PDE1C: variants seen among roughly 807,000 people sequenced by gnomAD.
PDE1C encodes the protein dual specificity calcium/calmodulin-dependent 3',5'-cyclic nucleotide phosphodiesterase 1C.
A neutral mutation model predicts 93.1 loss-of-function variants in PDE1C; 62 were observed. The observed-to-expected ratio is 0.67, with a 90% CI of 0.54 to 0.82. The LOEUF is 0.82. Among genes scored for constraint, PDE1C ranks in the 40% least tolerant of loss-of-function variants. The pLI is 0.00. For missense variants in PDE1C, 742 were observed against 884.6 expected (o/e 0.84, Z 2.04); for synonymous variants, 325 against 310.1 (o/e 1.05, Z -0.50).
intron 9 of PDE1C, among the ~76,000 whole-genome samples, chr7:31,846,639 T>C (rs964427023): frequency 6.6e-6 from 1 of 152,100 alleles, no homozygotes; most frequent in African/African-American, 2.4e-5. Flanking sequence ...GGGATGTAAT[T>C]AAACTAAAGA....
chr7:31,794,029 TAGATAGATAGATAGACAGACAGAC>T (rs1784910672), intron 16 of PDE1C, among the ~76,000 whole-genome samples: 3 of 103,232 alleles, frequency 2.9e-5, no homozygotes, highest in African/African-American at 6.7e-5. Flanking sequence ...GATAGATAGA[TAGATAGATAGATAGACAGACAGAC>T]AGACAGACAG....
the PDE1C span, among the ~76,000 whole-genome samples, chr7:31,734,300 G>GC: frequency 6.6e-6 from 1 of 152,044 alleles, no homozygotes; most frequent in African/African-American, 2.4e-5. Context: ...CGGCTCTAGG[G>GC]CCCCCCTCTT....
intron 1 of PDE1C, among the ~76,000 whole-genome samples, chr7:32,297,630 T>C (rs1464981337): frequency 6.6e-6 from 1 of 152,068 alleles, no homozygotes; most frequent in Non-Finnish European, 1.5e-5. Context: ...CTCCAGAGGG[T>C]CAACCCTGTG....
At chr7:31,663,185 C>G in the PDE1C span, among the ~76,000 whole-genome samples, 2 of 152,144 alleles carry the variant, frequency 1.3e-5, no homozygotes, top group Non-Finnish European at 2.9e-5. Context: ...AAAACTGTGG[C>G]TTTGGATTCC....
At chr7:31,900,015 A>G (rs994582826) in intron 2 of PDE1C, among the ~76,000 whole-genome samples, 1 of 152,226 alleles carries the variant, frequency 6.6e-6, no homozygotes, top group African/African-American at 2.4e-5. Flanking sequence ...TCAAAATGTC[A>G]GTTACGCCAA....
chr7:32,177,779 C>T (rs562200866), intron 2 of PDE1C, among the ~76,000 whole-genome samples: 1 of 152,308 alleles, frequency 6.6e-6, no homozygotes, highest in East Asian at 1.9e-4. Context: ...ATGATGTGCC[C>T]CTTCTCTTGG....
At chr7:32,037,614 C>A (rs1272612754) in intron 2 of PDE1C, among the ~76,000 whole-genome samples, 5 of 152,176 alleles carry the variant, frequency 3.3e-5, no homozygotes, top group African/African-American at 1.2e-4. Flanking sequence ...CCAAACTAAG[C>A]AGATGTAACT....
chr7:32,097,930 C>T (rs1717053904), intron 3 of PDE1C, among the ~76,000 whole-genome samples: 1 of 152,054 alleles, frequency 6.6e-6, no homozygotes, highest in Admixed American at 6.5e-5. Context: ...TGTGCCCAGC[C>T]CTTTAAAGAC....
intron 3 of PDE1C, among the ~76,000 whole-genome samples, chr7:32,095,123 G>C (rs369392120): frequency 2.0e-5 from 3 of 152,162 alleles, no homozygotes; most frequent in African/African-American, 7.2e-5. Flanking sequence ...GTGTCCTCTA[G>C]AATATATAGG....
At chr7:32,388,535 C>G (rs1784683856) in intron 1 of PDE1C, among the ~76,000 whole-genome samples, 1 of 151,784 alleles carries the variant, frequency 6.6e-6, no homozygotes, top group African/African-American at 2.4e-5. Flanking sequence ...TAAAAATTAG[C>G]CGAGCATGGG....
At chr7:32,071,017 G>C, upstream of PDE1C, 1 of 985,374 alleles carries the variant, frequency 1.0e-6, no homozygotes, top group Non-Finnish European at 1.2e-6. Flanking sequence ...TGACAAGTGA[G>C]AAAAGTCGTC....
chr7:31,885,584 C>A (rs1259089561), intron 2 of PDE1C, among the ~76,000 whole-genome samples: 1 of 152,218 alleles, frequency 6.6e-6, no homozygotes, highest in Non-Finnish European at 1.5e-5. Flanking sequence ...CTTCCCCTGA[C>A]CCCACACCAA....
At chr7:31,797,225 A>T (rs1015865787) in intron 16 of PDE1C, among the ~76,000 whole-genome samples, 1 of 151,750 alleles carries the variant, frequency 6.6e-6, no homozygotes, top group Non-Finnish European at 1.5e-5. Context: ...AAAGCACTCC[A>T]GATATTTGGT....
intron 17 of PDE1C, among the ~76,000 whole-genome samples, chr7:31,758,201 C>T (rs180725079): frequency 6.1e-4 from 93 of 152,130 alleles, no homozygotes; most frequent in Non-Finnish European, 1.1e-3. Flanking sequence ...ATGTAAATGA[C>T]GAGTTAATGG....
chr7:32,419,590 A>G (rs1467909399), intron 1 of PDE1C, among the ~76,000 whole-genome samples: 1 of 152,176 alleles, frequency 6.6e-6, no homozygotes, highest in East Asian at 1.9e-4. Context: ...TGCTACTTCT[A>G]GACTAAAGAA....
At chr7:31,643,598 T>C in the PDE1C span, 1 of 1,614,038 alleles carries the variant, frequency 6.2e-7, no homozygotes, top group Non-Finnish European at 8.5e-7. Context: ...TGTGATCCTG[T>C]TACCGCAACA....
intron 1 of PDE1C, among the ~76,000 whole-genome samples, chr7:32,062,439 A>G (rs1177191115): frequency 1.3e-5 from 2 of 152,128 alleles, no homozygotes; most frequent in Non-Finnish European, 2.9e-5. Context: ...ATTTTCTCAG[A>G]GGGGCCATGC....
intron 3 of PDE1C, among the ~76,000 whole-genome samples, chr7:32,166,578 G>T (rs1802289720): frequency 6.6e-6 from 1 of 152,188 alleles, no homozygotes; most frequent in Non-Finnish European, 1.5e-5. Context: ...AGTTGAGATG[G>T]TGTTTGCACA....
chr7:32,026,206 C>T (rs1457877295), intron 2 of PDE1C, among the ~76,000 whole-genome samples: 2 of 152,126 alleles, frequency 1.3e-5, no homozygotes, highest in Admixed American at 6.6e-5. Flanking sequence ...TGAATTTTTT[C>T]TGGCTTAGAC....
Sources: gnomAD v4.1 joint callset for allele counts (sites outside exome capture counted in the v4.1 genomes callset) on GRCh38, gnomAD v4.1.1 for gene constraint, MANE v1.5 for transcripts, NCBI Gene and HGNC (gene_info 2026-07-23, HGNC 2026-07-21) for gene names.